The following ASPSCR1 variants were observed in gnomAD, a reference collection of about 807,000 sequenced individuals.
ASPSCR1 encodes tether containing UBX domain for GLUT4.
In ASPSCR1, 55 loss-of-function variants were observed where a neutral mutation model predicts 68.9. The observed-to-expected ratio is 0.80, with a 90% CI of 0.64 to 1.00. The LOEUF is 1.00. Among genes scored for constraint, ASPSCR1 ranks in the 50% least tolerant of loss-of-function variants. ASPSCR1 has a pLI of 0.00. For synonymous variants in ASPSCR1, 352 were observed against 332.6 expected (o/e 1.06, Z -0.63); for missense variants, 765 against 762.2 (o/e 1.00, Z -0.04).
At chr17:81,982,793 T>G (rs146351637) in intron 2 of ASPSCR1, 8,720 of 145,360 alleles carry the variant, frequency 0.06, 354 homozygotes, top group Middle Eastern at 0.08. Flanking sequence ...TTCCTTTCTC[T>G]TTTCTTTTCT....
chr17:81,986,816 A>G lies in ASPSCR1; in HGVS notation c.374+1209A>G, dbSNP rs772870857. Among the ~76,000 whole-genome samples, 4 of 151,312 alleles carry G rather than the reference A, an allele frequency of 2.6e-5. No homozygotes were observed. Among genetic ancestry groups the G allele is most frequent in the Non-Finnish European group, 5.9e-5 (4 of 67,956 alleles). On this transcript the variant is annotated intron_variant, in intron 4 of 15. Coordinates refer to ENST00000306739, the MANE Select transcript of ASPSCR1 (RefSeq NM_024083.4). The surrounding 1 kb of genome is among the most constrained non-coding windows in gnomAD (Gnocchi z 5.2). ...AGGGCTGGGCCTGCTCCCGTCTGAC[A>G]GTAGTGCCGCGCTGCATGGCACGGG...
intron 15 of ASPSCR1, 40 bp downstream of exon 15, chr17:82,017,153 T>C: frequency 1.3e-6 from 2 of 1,562,762 alleles, no homozygotes; most frequent in South Asian, 2.3e-5. Context: ...TGTGGCCGGG[T>C]GGAGGGCGGG....
intron 3 of ASPSCR1, among the ~76,000 whole-genome samples, chr17:81,985,046 C>T (rs1410898185): frequency 2.2e-5 from 3 of 135,704 alleles, no homozygotes; most frequent in South Asian, 5.1e-4. Flanking sequence ...CACACCTCCC[C>T]CCCACACACA....
chr17:81,981,982 T>C (rs1391481575), intron 2 of ASPSCR1, among the ~76,000 whole-genome samples: 1 of 151,512 alleles, frequency 6.6e-6, no homozygotes, highest in Non-Finnish European at 1.5e-5. Context: ...TTCTTTCTTT[T>C]TTTTGAGACG....
At chr17:81,982,622 G>T (rs2041830497) in intron 2 of ASPSCR1, 1 of 152,136 alleles carries the variant, frequency 6.6e-6, no homozygotes, top group African/African-American at 2.4e-5. Context: ...AGATGCCCCT[G>T]GGCTGTCTGA....
intron 6 of ASPSCR1, 41 bp from the exon 7 acceptor site, chr17:81,996,379 G>C: frequency 6.5e-7 from 1 of 1,535,634 alleles, no homozygotes; most frequent in East Asian, 2.3e-5. Flanking sequence ...GCCGGGGGTA[G>C]GCACCACAAG....
At chr17:82,001,673 C>G (rs886068423) in intron 7 of ASPSCR1, among the ~76,000 whole-genome samples, 1 of 152,182 alleles carries the variant, frequency 6.6e-6, no homozygotes, top group Non-Finnish European at 1.5e-5. Context: ...TGCTGCAGGG[C>G]GCAGACCCCA....
intron 9 of ASPSCR1, chr17:82,009,915 CTT>C (rs36093868): frequency 2.9e-3 from 572 of 198,708 alleles, no homozygotes; most frequent in South Asian, 7.9e-3. Flanking sequence ...AGAATGAAAC[CTT>C]TTTTTTTTTT....
intron 13 of ASPSCR1, 69 bp from the exon 14 acceptor site, chr17:82,016,731 G>A: frequency 6.5e-7 from 1 of 1,543,180 alleles, no homozygotes; most frequent in Non-Finnish European, 8.8e-7. Flanking sequence ...GTGCTGGTGG[G>A]CAGATGCTGG....
At chr17:81,985,252 G>C (rs1342908933) in intron 3 of ASPSCR1, among the ~76,000 whole-genome samples, 1 of 151,446 alleles carries the variant, frequency 6.6e-6, no homozygotes, top group Non-Finnish European at 1.5e-5. Flanking sequence ...ACACACATAT[G>C]CACACACGCA....
rs760536415 is a variant in ASPSCR1 at position 81,996,635 on chromosome 17, C to G, written c.722C>G (p.Pro241Arg). The change falls in exon 7 of 16, where the codon CCC becomes CGC. Residue 241 changes from proline to arginine, a missense_variant. Pro to Arg is a moderately radical substitution (Grantham distance 103). Coordinates refer to ENST00000306739, the MANE Select transcript of ASPSCR1 (RefSeq NM_024083.4). The part of the protein sequence containing the change: ...KQSTRAPAAA[P>R]FVPFSGGGQR... ...AGCACAAGGGCACCCGCAGCTGCCC[C>G]CTTTGTTCCTTTCTCGGGTGGGGGA... 3.7e-6 allele frequency: 6 copies of G among 1,612,534 alleles called. No individual in the cohort carries two copies. The highest frequency in any genetic ancestry group is 5.1e-6 in the Non-Finnish European group (6 of 1,179,418).
chr17:82,016,804 C>T lies in ASPSCR1; in HGVS notation c.1410C>T (p.Val470=). 1 of 1,609,866 alleles carries T rather than the reference C, an allele frequency of 6.2e-7. No individual in the cohort carries two copies. Among genetic ancestry groups the T allele is most frequent in the Non-Finnish European group, 8.5e-7 (1 of 1,179,856 alleles). Reference sequence around the variant, plus strand: ...TGAGCTTGGGCCTCCCTGCAGGTGTCTACCTGGAGCCTGGCCTGCTGGAGC... The same window carrying T: ...TGAGCTTGGGCCTCCCTGCAGGTGTTTACCTGGAGCCTGGCCTGCTGGAGC... ...VHLGAEEPAG[V]YLEPGLLEHA... is the part of the protein sequence containing the mutation. The change falls in exon 14 of 16, where the codon GTC becomes GTT. Residue 470 remains valine, a synonymous_variant. Coordinates refer to ENST00000306739, the MANE Select transcript of ASPSCR1 (RefSeq NM_024083.4).
intron 12 of ASPSCR1, chr17:82,016,204 G>C: frequency 2.0e-6 from 1 of 512,650 alleles, no homozygotes; most frequent in Non-Finnish European, 3.5e-6. Flanking sequence ...CGGTGATGCT[G>C]CATGGCTTGA....
At chr17:82,016,641 A>C in intron 13 of ASPSCR1, 114 bp downstream of exon 13, 1 of 1,468,002 alleles carries the variant, frequency 6.8e-7, no homozygotes, top group East Asian at 2.5e-5. Flanking sequence ...TCTGAGAGGG[A>C]GATCTGCGGC....
chr17:82,014,561 TCCTC>T (rs1448008567), intron 12 of ASPSCR1: 9 of 157,524 alleles, frequency 5.7e-5, no homozygotes, highest in East Asian at 1.9e-4. Context: ...GGTGCCGCCT[TCCTC>T]CCGGGCACGG....
intron 7 of ASPSCR1, among the ~76,000 whole-genome samples, chr17:81,998,975 G>T (rs961087481): frequency 6.6e-6 from 1 of 152,220 alleles, no homozygotes; most frequent in African/African-American, 2.4e-5. Context: ...TGGGGACCTC[G>T]TGTCTGTGGG....
At position 82,016,839 on chromosome 17, in the gene ASPSCR1, C is replaced by T; in HGVS notation, c.1445C>T (p.Ser482Phe). ...LEPGLLEHAI[S>F]PSAADVLVAR... is the part of the protein sequence containing the mutation. Reference sequence around the variant, plus strand: ...CCTGGCCTGCTGGAGCATGCCATCTCCCCATCTGCGGCCGATGTGCTGGTG... The same window carrying T: ...CCTGGCCTGCTGGAGCATGCCATCTTCCCATCTGCGGCCGATGTGCTGGTG... The change falls in exon 14 of 16, where the codon TCC becomes TTC. Residue 482 changes from serine to phenylalanine, a missense_variant. Coordinates refer to ENST00000306739, the MANE Select transcript of ASPSCR1 (RefSeq NM_024083.4). 6.2e-7 allele frequency: 1 copy of T among 1,611,940 alleles called. No homozygotes were observed. Among genetic ancestry groups the T allele is most frequent in the East Asian group, 2.2e-5 (1 of 44,872 alleles).
chr17:82,012,655 C>T (rs1357812285), intron 12 of ASPSCR1, among the ~76,000 whole-genome samples: 2 of 152,138 alleles, frequency 1.3e-5, no homozygotes, highest in South Asian at 2.1e-4. Flanking sequence ...CTCAGGGAGC[C>T]CCAGAGGGAC....
At position 81,983,200 on chromosome 17, in the gene ASPSCR1, G is replaced by C. The variant is rs2041851108; in HGVS notation, c.159-354G>C. On this transcript the variant is annotated intron_variant, in intron 2 of 15. Coordinates refer to ENST00000306739, the MANE Select transcript of ASPSCR1 (RefSeq NM_024083.4). This position sits in a 1 kb window ranked among gnomAD's most constrained non-coding sequence, Gnocchi z 4.4. Reference sequence around the variant, plus strand: ...GACGGCCGGGGTCTGTGACACTCCAGCTTCCGCGAGTGCAGCAGTGTTCAC... The same window carrying C: ...GACGGCCGGGGTCTGTGACACTCCACCTTCCGCGAGTGCAGCAGTGTTCAC... 6.6e-6 allele frequency among the ~76,000 whole-genome samples: 1 copy of C among 152,214 alleles called. No homozygotes were observed. Among genetic ancestry groups the C allele is most frequent in the South Asian group, 2.1e-4 (1 of 4,830 alleles).
Sources: gnomAD v4.1 joint callset for allele counts (sites outside exome capture counted in the v4.1 genomes callset) on GRCh38, gnomAD v4.1.1 for gene constraint, Gnocchi (gnomAD v3.1) non-coding constraint, MANE v1.5 for transcripts, NCBI Gene and HGNC (gene_info 2026-07-23, HGNC 2026-07-21) for gene names.